Variants in ANKS1B observed in about 807,000 individuals in gnomAD.
The protein encoded by ANKS1B is ankyrin repeat and sterile alpha motif domain-containing protein 1B.
A neutral mutation model predicts 148.3 loss-of-function variants in ANKS1B; 36 were observed. The observed-to-expected ratio is 0.24, with a 90% confidence interval of 0.19 to 0.32. The LOEUF (loss-of-function observed/expected upper bound fraction) is 0.32, where lower values mean the gene tolerates loss of function less well. Among genes scored for constraint, ANKS1B ranks in the 10% least tolerant of loss-of-function variants. The pLI is 1.00. For missense variants in ANKS1B, 1,157 were observed against 1,542.6 expected (o/e 0.75, Z 4.19); for synonymous variants, 542 against 560.8 (o/e 0.97, Z 0.47).
chr12:99,004,436 G>C (rs1014346318), intron 17 of ANKS1B, among the ~76,000 whole-genome samples: 3 of 152,130 alleles, frequency 2.0e-5, no homozygotes, highest in Admixed American at 1.3e-4. Flanking sequence ...ACTAGATAGG[G>C]ATAAATTACT....
At chr12:99,901,139 G>T (rs959234150) in intron 1 of ANKS1B, among the ~76,000 whole-genome samples, 1 of 152,020 alleles carries the variant, frequency 6.6e-6, no homozygotes, top group Non-Finnish European at 1.5e-5. Flanking sequence ...AAAACCAAAT[G>T]CTATAACTTT....
At chr12:99,493,591 G>A (rs1455290054) in intron 10 of ANKS1B, among the ~76,000 whole-genome samples, 1 of 152,140 alleles carries the variant, frequency 6.6e-6, no homozygotes, top group Non-Finnish European at 1.5e-5. Flanking sequence ...GTTTATTCCA[G>A]CTAAAAGTCA....
At chr12:99,014,543 A>T (rs975388510) in intron 17 of ANKS1B, among the ~76,000 whole-genome samples, 1 of 152,252 alleles carries the variant, frequency 6.6e-6, no homozygotes, top group Non-Finnish European at 1.5e-5. Context: ...TAAGCTAAAG[A>T]GCTTATGCAC....
chr12:99,169,517 A>C (rs1300502315), intron 14 of ANKS1B, among the ~76,000 whole-genome samples: 1 of 152,238 alleles, frequency 6.6e-6, no homozygotes, highest in Non-Finnish European at 1.5e-5. Flanking sequence ...GGTGACTGAC[A>C]TAAGGCACAT....
intron 11 of ANKS1B, among the ~76,000 whole-genome samples, chr12:99,416,939 G>A (rs927733366): frequency 2.6e-5 from 4 of 152,154 alleles, no homozygotes; most frequent in African/African-American, 9.7e-5. Flanking sequence ...AGTGCAAAGG[G>A]AGAAGGGCAG....
At chr12:98,862,222 T>C (rs1255790715) in intron 17 of ANKS1B, among the ~76,000 whole-genome samples, 1 of 152,188 alleles carries the variant, frequency 6.6e-6, no homozygotes, top group Non-Finnish European at 1.5e-5. Flanking sequence ...TGATATTGTA[T>C]AAGAGTACAG....
At chr12:99,184,634 G>A (rs1180034794) in intron 14 of ANKS1B, among the ~76,000 whole-genome samples, 1 of 152,182 alleles carries the variant, frequency 6.6e-6, no homozygotes, top group Non-Finnish European at 1.5e-5. Flanking sequence ...ATAGTATGTT[G>A]TTAATTTTTG....
chr12:99,928,191 T>A (rs1473068877), intron 1 of ANKS1B, among the ~76,000 whole-genome samples: 1 of 152,010 alleles, frequency 6.6e-6, no homozygotes, highest in Non-Finnish European at 1.5e-5. Flanking sequence ...GTAATTAAAA[T>A]TCAGAGATAA....
intron 17 of ANKS1B, among the ~76,000 whole-genome samples, chr12:99,006,182 T>C (rs1345085129): frequency 1.3e-5 from 2 of 152,182 alleles, no homozygotes; most frequent in African/African-American, 4.8e-5. Flanking sequence ...CCAAAAAGCA[T>C]GGAGCTTTGA....
chr12:99,633,235 G>A (rs1462656310), intron 9 of ANKS1B, among the ~76,000 whole-genome samples: 1 of 151,820 alleles, frequency 6.6e-6, no homozygotes, highest in Non-Finnish European at 1.5e-5. Context: ...GCATGTGTCT[G>A]TACTACAAGG....
At chr12:99,922,491 C>T (rs1603459500) in intron 1 of ANKS1B, among the ~76,000 whole-genome samples, 1 of 152,194 alleles carries the variant, frequency 6.6e-6, no homozygotes, top group Middle Eastern at 3.4e-3. Context: ...ACCATTAATA[C>T]CAATGGACAT....
chr12:99,686,487 T>C (rs2098650109), intron 8 of ANKS1B, among the ~76,000 whole-genome samples: 1 of 152,222 alleles, frequency 6.6e-6, no homozygotes. Flanking sequence ...GAACCTCTTC[T>C]GGTTCTGAGT....
chr12:98,896,520 T>G (rs1452956692), intron 17 of ANKS1B, among the ~76,000 whole-genome samples: 2 of 152,228 alleles, frequency 1.3e-5, no homozygotes. Context: ...AAATGCCCTC[T>G]GTTTTGTCCA....
chr12:99,067,789 G>C (rs776373481), intron 16 of ANKS1B, among the ~76,000 whole-genome samples: 25 of 152,060 alleles, frequency 1.6e-4, no homozygotes, highest in Non-Finnish European at 2.9e-4. Context: ...ACTACCATTG[G>C]AGTGAGAACA....
At chr12:99,625,374 C>A (rs1167980427) in intron 9 of ANKS1B, among the ~76,000 whole-genome samples, 1 of 151,934 alleles carries the variant, frequency 6.6e-6, no homozygotes, top group Non-Finnish European at 1.5e-5. Context: ...ACATGTACCC[C>A]GACTCTAAAA....
intron 9 of ANKS1B, 76 bp from the exon 10 acceptor site, chr12:99,504,717 T>A (rs907362702): frequency 1.1e-5 from 12 of 1,134,306 alleles, no homozygotes; most frequent in Middle Eastern, 2.9e-4. Context: ...CTAGAAAAGA[T>A]AATCAGGTTC....
At chr12:98,757,261 C>T (rs192788322) in intron 25 of ANKS1B, among the ~76,000 whole-genome samples, 13 of 152,174 alleles carry the variant, frequency 8.5e-5, no homozygotes, top group Admixed American at 3.3e-4. Flanking sequence ...TGGCTCCAGT[C>T]GGGCTGCCCC....
chr12:99,059,849 T>C (rs143975478), intron 16 of ANKS1B, among the ~76,000 whole-genome samples: 1 of 138,544 alleles, frequency 7.2e-6, no homozygotes, highest in African/African-American at 2.7e-5. Context: ...TTCACATTTC[T>C]TTCATGTATC....
chr12:99,671,981 T>C (rs540988317), intron 8 of ANKS1B, among the ~76,000 whole-genome samples: 61 of 152,282 alleles, frequency 4.0e-4, no homozygotes, highest in African/African-American at 1.4e-3. Context: ...TTAAAACTCT[T>C]TTCTTTTTTG....
Sources: allele counts gnomAD v4.1 joint callset (sites outside exome capture counted in the v4.1 genomes callset), GRCh38; gene constraint gnomAD v4.1.1; transcripts MANE v1.5; gene names NCBI Gene and HGNC (gene_info 2026-07-23, HGNC 2026-07-21).